Variants in FGD5 observed in about 807,000 individuals in gnomAD.
FGD5 encodes FYVE, RhoGEF and PH domain containing 5.
Under a neutral mutation model 133.4 loss-of-function variants are expected in FGD5, and 28 were observed. The ratio of observed to expected loss-of-function variants is 0.21; its 90% CI spans 0.16 to 0.29. The LOEUF (loss-of-function observed/expected upper bound fraction) is 0.29. Among genes scored for constraint, FGD5 ranks in the 10% least tolerant of loss-of-function variants. The pLI, the probability that FGD5 is intolerant of heterozygous loss-of-function variation, is 1.00. For missense variants in FGD5, 1,858 were observed against 1,895.2 expected (o/e 0.98, Z 0.36); for synonymous variants, 810 against 776.5 (o/e 1.04, Z -0.72).
rs141231661 is a variant in FGD5, at chr3:14,857,239, C to CG, written c.2526-6889_2526-6888insG. Among the ~76,000 whole-genome samples, 1,405 of 152,156 alleles carry CG rather than the reference C, an allele frequency of 9.2e-3. 18 individuals carry two copies. The highest frequency in any genetic ancestry group is 0.031 in the African/African-American group (1,292 of 41,502). On this transcript the variant is annotated intron_variant, in intron 1 of 19. Coordinates refer to ENST00000285046, the MANE Select transcript of FGD5 (RefSeq NM_152536.4). ...AGTGGTGTGACCAGCAGCCTCCACC[C>CG]CCCCAGGCTCAAGCAATTCTCCTGC...
intron 4 of FGD5, among the ~76,000 whole-genome samples, chr3:14,883,021 A>G (rs571718602): frequency 2.0e-5 from 3 of 152,284 alleles, no homozygotes; most frequent in East Asian, 3.9e-4. Context: ...TCTCCCCAGC[A>G]GGAAGGGTCC....
intron 4 of FGD5, among the ~76,000 whole-genome samples, chr3:14,892,518 A>T (rs2038048748): frequency 6.6e-6 from 1 of 152,152 alleles, no homozygotes; most frequent in South Asian, 2.1e-4. Flanking sequence ...TCTTTCCAGC[A>T]GTAGAAACTG....
At chr3:14,883,321 G>C (rs758958108) in intron 4 of FGD5, among the ~76,000 whole-genome samples, 8 of 152,272 alleles carry the variant, frequency 5.3e-5, no homozygotes, top group South Asian at 4.1e-4. Context: ...AAAGCTTACT[G>C]ACTTCTGGTT....
chr3:14,909,340 A>G (rs925029297), intron 10 of FGD5, among the ~76,000 whole-genome samples: 1 of 152,256 alleles, frequency 6.6e-6, no homozygotes, highest in Non-Finnish European at 1.5e-5. Context: ...AATAGGCACT[A>G]CGAACATATA....
At chr3:14,832,832 A>G (rs963148819) in intron 1 of FGD5, among the ~76,000 whole-genome samples, 5 of 152,278 alleles carry the variant, frequency 3.3e-5, no homozygotes, top group South Asian at 2.1e-4. Flanking sequence ...GAGACTGTCC[A>G]TTTGCCTGGG....
intron 2 of FGD5, among the ~76,000 whole-genome samples, chr3:14,876,312 G>A (rs972771134): frequency 9.2e-5 from 14 of 152,162 alleles, no homozygotes; most frequent in Admixed American, 2.0e-4. Flanking sequence ...GACAGCCTCT[G>A]AAACAGTGGT....
At chr3:14,868,767 C>G (rs911530753) in intron 2 of FGD5, among the ~76,000 whole-genome samples, 5 of 152,198 alleles carry the variant, frequency 3.3e-5, no homozygotes, top group Non-Finnish European at 7.3e-5. Context: ...CCCAGTCCCT[C>G]CTCTTCTTCC....
chr3:14,911,453 A>G (rs1194223887), intron 11 of FGD5, among the ~76,000 whole-genome samples: 2 of 152,116 alleles, frequency 1.3e-5, no homozygotes, highest in Admixed American at 6.5e-5. Flanking sequence ...GAGACCTCCA[A>G]GTGGCCATGC....
At chr3:14,855,981 G>A (rs2037269987) in intron 1 of FGD5, among the ~76,000 whole-genome samples, 1 of 152,014 alleles carries the variant, frequency 6.6e-6, no homozygotes, top group African/African-American at 2.4e-5. Context: ...TTTCTCCTAT[G>A]TTTTCTTCTA....
chr3:14,855,474 G>A (rs768952471), intron 1 of FGD5, among the ~76,000 whole-genome samples: 1 of 152,108 alleles, frequency 6.6e-6, no homozygotes, highest in African/African-American at 2.4e-5. Flanking sequence ...ATTCCCATCA[G>A]CAGTGTAGAA....
intron 4 of FGD5, among the ~76,000 whole-genome samples, chr3:14,885,886 A>T (rs1450058146): frequency 1.3e-5 from 2 of 152,184 alleles, no homozygotes; most frequent in Non-Finnish European, 2.9e-5. Flanking sequence ...AAGACCATTG[A>T]GATAGGAGAG....
chr3:14,900,321 C>T (rs1319482608), intron 7 of FGD5, 82 bp from the exon 8 acceptor site: 1 of 1,403,714 alleles, frequency 7.1e-7, no homozygotes, highest in African/African-American at 1.4e-5. Context: ...CCAACTCTGG[C>T]AAGAGAGGGG....
At chr3:14,858,869 T>C (rs2037341009) in intron 1 of FGD5, among the ~76,000 whole-genome samples, 1 of 152,226 alleles carries the variant, frequency 6.6e-6, no homozygotes, top group Admixed American at 6.5e-5. Context: ...GTCAGAGGTG[T>C]TTCCTTGCCC....
intron 2 of FGD5, among the ~76,000 whole-genome samples, chr3:14,873,500 C>T (rs2125111834): frequency 6.6e-6 from 1 of 152,252 alleles, no homozygotes; most frequent in Non-Finnish European, 1.5e-5. Flanking sequence ...CATTAGCCGG[C>T]TGTTTGAAGT....
intron 18 of FGD5, 35 bp from the exon 19 acceptor site, chr3:14,932,542 T>C: frequency 1.3e-6 from 2 of 1,599,634 alleles, no homozygotes; most frequent in Non-Finnish European, 1.7e-6. Context: ...CAGAGTGTGG[T>C]GTTTAATGTC....
intron 2 of FGD5, among the ~76,000 whole-genome samples, chr3:14,875,366 G>A (rs1264632271): frequency 1.3e-5 from 2 of 152,158 alleles, no homozygotes; most frequent in African/African-American, 4.8e-5. Flanking sequence ...ACGGGGCATC[G>A]GGGGCACCTC....
intron 9 of FGD5, among the ~76,000 whole-genome samples, chr3:14,902,410 G>A (rs796406373): frequency 2.1e-4 from 32 of 152,222 alleles, no homozygotes; most frequent in African/African-American, 7.7e-4. Context: ...CATGGAGGTT[G>A]GACGGTGCAT....
intron 1 of FGD5, among the ~76,000 whole-genome samples, chr3:14,842,684 C>T (rs940474425): frequency 1.3e-5 from 2 of 152,232 alleles, no homozygotes; most frequent in Non-Finnish European, 2.9e-5. Context: ...TTGTCCTTCT[C>T]GGATAGCTTT....
Position 14,917,191 on chromosome 3 carries a change from GA to G in FGD5, c.3406-56del, listed in dbSNP as rs2038573296. On this transcript the variant is annotated intron_variant, in intron 11 of 19. Coordinates refer to ENST00000285046, the MANE Select transcript of FGD5 (RefSeq NM_152536.4). This position sits in a 1 kb window ranked among gnomAD's most constrained non-coding sequence, Gnocchi z 4.1. ...GGAGCTCAGGGATCCTTTGAGGACA[GA>G]AGCCTGGCGCAGCCTTCTGGGGCCA... The G allele has an allele frequency of 6.6e-7, 1 of 1,507,020 alleles. No individual in the cohort carries two copies. The highest frequency in any genetic ancestry group is 1.7e-4 in the Middle Eastern group (1 of 5,884). The allele number at this position is 1,507,020 out of a possible 1,614,324, so 93.4% of individuals were successfully genotyped here.
Sources: gnomAD v4.1 joint callset for allele counts (sites outside exome capture counted in the v4.1 genomes callset) on GRCh38, gnomAD v4.1.1 for gene constraint, Gnocchi (gnomAD v3.1) non-coding constraint, MANE v1.5 for transcripts, NCBI Gene and HGNC (gene_info 2026-07-23, HGNC 2026-07-21) for gene names.